Variants in INPP5E observed in about 807,000 individuals in gnomAD.
The protein encoded by INPP5E is inositol polyphosphate-5-phosphatase E, also known as phosphatidylinositol polyphosphate 5-phosphatase type IV.
In INPP5E, 34 loss-of-function variants were observed where a neutral mutation model predicts 50.5. The ratio of observed to expected loss-of-function variants is 0.67; its 90% CI spans 0.51 to 0.90. INPP5E has a LOEUF of 0.90. Among genes scored for constraint, INPP5E ranks in the 40% least tolerant of loss-of-function variants. The pLI, the probability that INPP5E is intolerant of heterozygous loss-of-function variation, is 0.00. For missense variants in INPP5E, 942 were observed against 905.5 expected (o/e 1.04, Z -0.52); for synonymous variants, 447 against 406.0 (o/e 1.10, Z -1.21).
chr9:136,434,138 G>T lies in INPP5E; in HGVS notation c.937-4C>A. On this transcript the variant is annotated splice_polypyrimidine_tract_variant and splice_region_variant and intron_variant, in intron 2 of 9. Coordinates refer to ENST00000371712, the MANE Select transcript of INPP5E (RefSeq NM_019892.6). ...CGTCCAGGCTGGGCGGGAGCTCCTG[G>T]AAGGAGGGAGCATGTGGTGGGCCGG... The T allele has an allele frequency of 6.2e-7, 1 of 1,600,884 alleles. No homozygotes were observed. Among genetic ancestry groups the T allele is most frequent in the Non-Finnish European group, 8.5e-7 (1 of 1,175,266 alleles).
At chr9:136,433,894 T>A in intron 3 of INPP5E, 143 bp downstream of exon 3, 1 of 710,162 alleles carries the variant, frequency 1.4e-6, no homozygotes, top group South Asian at 1.5e-5. Context: ...GAACCGGGTA[T>A]CAGCGCCCAG....
In INPP5E at chr9:136,439,387, G is replaced by A. The variant is rs79161998; in HGVS notation, c.33C>T (p.Ser11=). Residue 11 remains serine (S), a synonymous_variant, in exon 1 of 10, where the codon TCC becomes TCT. Transcript: ENST00000371712. ...CTTCCGGCGGCTGCGGGGCCGGCTCGGAGGGCCGCAGATTCTCCGCCTTGG... is the reference window on the plus strand; with the variant it reads ...CTTCCGGCGGCTGCGGGGCCGGCTCAGAGGGCCGCAGATTCTCCGCCTTGG... MPSKAENLRP[S]EPAPQPPEGR... The A allele has an allele frequency of 1.4e-6, 2 of 1,463,614 alleles. No individual in the cohort carries two copies. Among genetic ancestry groups the A allele is most frequent in the South Asian group, 2.7e-5 (2 of 75,366 alleles). The allele number at this position is 1,463,614 out of a possible 1,614,324, so 90.7% of individuals were successfully genotyped here. A position where few individuals can be genotyped will look rare whatever the true frequency, so the allele number is the denominator to read the frequency against.
Position 136,438,947 on chromosome 9 carries a change from C to A in INPP5E, c.473G>T (p.Gly158Val). Residue 158 changes from glycine (G) to valine (V), a missense_variant, in exon 1 of 10, where the codon GGT becomes GTT. Gly to Val is a moderately radical substitution (Grantham distance 109, BLOSUM62 -3). Coordinates refer to ENST00000371712, the MANE Select transcript of INPP5E (RefSeq NM_019892.6). Reference protein sequence around the residue: ...SSERGSPSSGGNPLSGVASSS... With the variant: ...SSERGSPSSGVNPLSGVASSS... The stretch of plus-strand genomic sequence containing the variant: ...GCTGGCCACCCCAGAGAGAGGGTTA[C>A]CCCCCGAGGACGGGCTCCCTCTCTC... 3 of 1,568,952 alleles carry A rather than the reference C, an allele frequency of 1.9e-6. No individual in the cohort carries two copies. The highest frequency in any genetic ancestry group is 2.6e-6 in the Non-Finnish European group (3 of 1,157,352).
In INPP5E at chr9:136,439,252, G is replaced by A. The variant is rs1334035407; in HGVS notation, c.168C>T (p.Ala56=). ...CTGGCGGGTCCTCGCCGCTGGGCGT[G>A]GCCGGAGTGCTGCAGGCAAGCGCGG... ...ESPALACSTP[A]TPSGEDPPAR... is the part of the protein sequence containing the mutation. The change falls in exon 1 of 10, where the codon GCC becomes GCT. Residue 56 remains alanine (A), a synonymous_variant. Transcript: ENST00000371712. 5 of 1,512,378 alleles carry A rather than the reference G, an allele frequency of 3.3e-6. No individual in the cohort carries two copies. In the Admixed American group the frequency reaches 8.3e-5, roughly 25 times the overall value. 93.7% of individuals were successfully genotyped at this position (1,512,378 alleles called of 1,614,324 possible).
In INPP5E at chr9:136,439,312, C is replaced by G. The variant is rs1478815621; in HGVS notation, c.108G>C (p.Ala36=). The G allele has an allele frequency of 8.5e-6, 12 of 1,407,332 alleles. No homozygotes were observed. The South Asian group carries it at 1.7e-4, about 20-fold the overall frequency. 87.2% of individuals were successfully genotyped at this position (1,407,332 alleles called of 1,614,324 possible). A position where few individuals can be genotyped will look rare whatever the true frequency, so the allele number is the denominator to read the frequency against. ...QLPGAPPAQR[A]GSPPDAPGSE... ...AGCCCGGAGCATCGGGTGGGGACCC[C>G]GCGCGCTGGGCCGGCGGAGCGCCGG... is the stretch of plus-strand genomic sequence containing the variant. Residue 36 remains alanine (A), a synonymous_variant, in exon 1 of 10, where the codon GCG becomes GCC. Transcript: ENST00000371712.
chr9:136,429,922 G>C, intron 9 of INPP5E, 115 bp from the exon 10 acceptor site: 1 of 800,968 alleles, frequency 1.2e-6, no homozygotes, highest in Non-Finnish European at 2.1e-6. Context: ...GCCAGGATGA[G>C]GGGCTGTTAG....
In INPP5E at chr9:136,434,820, C is replaced by T. The variant is rs757936530; in HGVS notation, c.856G>A (p.Gly286Arg). Residue 286 changes from glycine (G) to arginine (R), a missense_variant, in exon 2 of 10, where the codon GGG becomes AGG. Physicochemically the swap from Gly to Arg is moderately radical, Grantham distance 125. Transcript: ENST00000371712. ...AAGTAGCGGGCCAGCTCATCCGCCC[C>T]CAACAGGGCCCCGCTGGCCAGGAGG... ...GSLLASGALL[G>R]ADELARYFPD... The T allele has an allele frequency of 6.8e-6, 11 of 1,611,784 alleles. No individual in the cohort carries two copies. In the South Asian group the frequency reaches 1.1e-4, roughly 16 times the overall value.
Position 136,431,955 on chromosome 9 carries a change from AAC to A in INPP5E, c.1416_1417del (p.Phe473LeufsTer64), listed in dbSNP as rs767066251. 6.2e-7 allele frequency: 1 copy of A among 1,612,184 alleles called. No individual in the cohort carries two copies. The highest frequency in any genetic ancestry group is 8.5e-7 in the Non-Finnish European group (1 of 1,179,766). On this transcript the variant is annotated frameshift_variant, in exon 7 of 10. Transcript: ENST00000371712. LOFTEE classifies it high-confidence loss of function. ...GCGGAAGTTGAAGTCTCCAAACCAG[AAC>A]ACCTCATCGAAGCGGGTGGTGACGT...
chr9:136,434,948 A>C, intron 1 of INPP5E, 85 bp from the exon 2 acceptor site: 2 of 1,494,480 alleles, frequency 1.3e-6, no homozygotes, highest in Non-Finnish European at 1.8e-6. Flanking sequence ...ACAATAGCAA[A>C]ACCCATGGAA....
Position 136,438,647 on chromosome 9 carries a change from C to A in INPP5E, c.773G>T (p.Ser258Ile). The A allele has an allele frequency of 1.3e-6, 2 of 1,579,626 alleles. No individual in the cohort carries two copies. The highest frequency in any genetic ancestry group is 1.7e-6 in the Non-Finnish European group (2 of 1,163,428). ...CTTGCTGCGGATGGGCGCCAGGAGG[C>A]TGAAGGAGGATTTGGCCGAGCGAAG... The part of the protein sequence containing the change: ...CSLRSAKSSF[S>I]LLAPIRSKDV... Residue 258 changes from serine to isoleucine, a missense_variant, in exon 1 of 10, where the codon AGC becomes ATC. By Grantham distance (142) the Ser-to-Ile change is moderately radical. Coordinates refer to ENST00000371712, the MANE Select transcript of INPP5E (RefSeq NM_019892.6).
At chr9:136,432,445 C>T (rs753744707) in intron 6 of INPP5E, 34 bp downstream of exon 6, 23 of 1,408,672 alleles carry the variant, frequency 1.6e-5, no homozygotes, top group South Asian at 9.8e-5. Context: ...CGAACCACGG[C>T]GGCACCACCC....
chr9:136,431,741 T>A, intron 7 of INPP5E, 83 bp downstream of exon 7: 3 of 133,976 alleles, frequency 2.2e-5, no homozygotes, highest in South Asian at 9.6e-5. Context: ...GGCCCTCACC[T>A]CTCCTCATCT....
At chr9:136,434,716 C>G (rs1191348444) in intron 2 of INPP5E, 24 bp downstream of exon 2, 1 of 1,601,868 alleles carries the variant, frequency 6.2e-7, no homozygotes, top group African/African-American at 1.3e-5. Context: ...CCTTCCCCGC[C>G]CAGCACCACC....
At chr9:136,433,405 C>T (rs979932793) in intron 3 of INPP5E, 126 bp from the exon 4 acceptor site, 3 of 1,374,584 alleles carry the variant, frequency 2.2e-6, no homozygotes, top group African/African-American at 1.4e-5. Context: ...TGGTGTCTTG[C>T]GCGGAGAAGC....
chr9:136,434,294 C>T (rs983995465), intron 2 of INPP5E, among the ~76,000 whole-genome samples, 160 bp from the exon 3 acceptor site: 1 of 152,220 alleles, frequency 6.6e-6, no homozygotes, highest in African/African-American at 2.4e-5. Context: ...GAGGCAGCCT[C>T]TGACACACCA....
rs1320134248 is a variant in INPP5E, at chr9:136,439,669, G to A, written c.-250C>T. On this transcript the variant is annotated 5_prime_UTR_variant, in exon 1 of 10. Coordinates refer to ENST00000371712, the MANE Select transcript of INPP5E (RefSeq NM_019892.6). ...GCAGGCAAGGCCTGGGGGAACAGGC[G>A]GCTGGGCGCCTGTCGCGGGGGAGGT... 8.8e-6 allele frequency: 3 copies of A among 339,250 alleles called. No homozygotes were observed. Among genetic ancestry groups the A allele is most frequent in the African/African-American group, 6.4e-5 (3 of 46,574 alleles). The allele number at this position is 339,250 out of a possible 1,614,324, so 21.0% of individuals were successfully genotyped here. A position where few individuals can be genotyped will look rare whatever the true frequency, so the allele number is the denominator to read the frequency against.
Position 136,439,473 on chromosome 9 carries a change from G to A in INPP5E, c.-54C>T, listed in dbSNP as rs1835939553. 4 of 1,322,268 alleles carry A rather than the reference G, an allele frequency of 3.0e-6. No individual in the cohort carries two copies. In the South Asian group the frequency reaches 5.0e-5, roughly 17 times the overall value. The allele number at this position is 1,322,268 out of a possible 1,614,324, so 81.9% of individuals were successfully genotyped here. A position where few individuals can be genotyped will look rare whatever the true frequency, so the allele number is the denominator to read the frequency against. On this transcript the variant is annotated 5_prime_UTR_variant, in exon 1 of 10. Coordinates refer to ENST00000371712, the MANE Select transcript of INPP5E (RefSeq NM_019892.6). ...CGCGAGGCCGCAGGCAGCGCGAGGG[G>A]TCACGGGTGCCGGGTCCGGGGTCGC... is the stretch of plus-strand genomic sequence containing the variant.
chr9:136,430,982 C>T lies in INPP5E; in HGVS notation c.1665+20G>A. ...CCTGCCCTGGAAGCACTCTGCACCG[C>T]AGCGGTGGGCAGGCCTCACCGTGTA... On this transcript the variant is annotated intron_variant, in intron 8 of 9. Transcript: ENST00000371712. The T allele has an allele frequency of 6.6e-7, 1 of 1,518,484 alleles. No individual in the cohort carries two copies. The highest frequency in any genetic ancestry group is 9.1e-7 in the Non-Finnish European group (1 of 1,093,646). The allele number at this position is 1,518,484 out of a possible 1,614,324, so 94.1% of individuals were successfully genotyped here. A position where few individuals can be genotyped will look rare whatever the true frequency, so the allele number is the denominator to read the frequency against.
rs147531141 is a variant in INPP5E, at chr9:136,433,206, C to T, written c.1108G>A (p.Val370Met). 2.6e-5 allele frequency: 41 copies of T among 1,568,320 alleles called. No homozygotes were observed. The highest frequency in any genetic ancestry group is 1.7e-4 in the Middle Eastern group (1 of 5,978). ...YVLLSSAAHG[V>M]LYMSLFIRRD... ...CGGATGAAGAGCGACATGTAGAGCA[C>T]GCCGTGGGCCGCCGAGGACAGCAGC... The change falls in exon 4 of 10, where the codon GTG becomes ATG. Residue 370 changes from valine to methionine, a missense_variant. Val to Met is a conservative substitution (Grantham distance 21, BLOSUM62 1). Coordinates refer to ENST00000371712, the MANE Select transcript of INPP5E (RefSeq NM_019892.6).
Sources: gnomAD v4.1 joint callset for allele counts (sites outside exome capture counted in the v4.1 genomes callset) on GRCh38, gnomAD v4.1.1 for gene constraint, MANE v1.5 for transcripts, NCBI Gene and HGNC (gene_info 2026-07-23, HGNC 2026-07-21) for gene names.